Variants in GPHN observed in about 807,000 individuals in gnomAD.
The protein encoded by GPHN is gephyrin.
Under a neutral mutation model 95.5 loss-of-function variants are expected in GPHN, and 17 were observed. The observed-to-expected ratio is 0.18, with a 90% CI of 0.12 to 0.27. The LOEUF is 0.27. Ranked by LOEUF, GPHN falls within the 10% of genes least tolerant of loss-of-function variation. GPHN has a pLI of 1.00. For synonymous variants in GPHN, 320 were observed against 322.5 expected (o/e 0.99, Z 0.08); for missense variants, 660 against 978.1 (o/e 0.67, Z 4.34).
the GPHN span, among the ~76,000 whole-genome samples, chr14:67,321,440 G>A: frequency 6.6e-6 from 1 of 152,050 alleles, no homozygotes; most frequent in Non-Finnish European, 1.5e-5. Flanking sequence ...TTTCCTCAGA[G>A]GGAAAACATA....
At chr14:67,130,756 AC>A (rs2079649333) in intron 17 of GPHN, among the ~76,000 whole-genome samples, 1 of 152,134 alleles carries the variant, frequency 6.6e-6, no homozygotes, top group African/African-American at 2.4e-5. Context: ...CTGCAGCCTC[AC>A]CAAGATCTAT....
At chr14:67,449,906 A>G in the GPHN span, 3,133 of 152,424 alleles carry the variant, frequency 0.021, 182 homozygotes, top group South Asian at 0.12. Context: ...AGCCTGACCA[A>G]TATGGAGAAA....
the GPHN span, among the ~76,000 whole-genome samples, chr14:67,397,209 G>A: frequency 3.3e-5 from 5 of 152,208 alleles, no homozygotes; most frequent in African/African-American, 1.2e-4. Context: ...AAAGTGTTGG[G>A]ATTACAGGCG....
chr14:67,111,837 T>C (rs773676114), intron 14 of GPHN, 24 bp from the exon 15 acceptor site: 1 of 1,596,324 alleles, frequency 6.3e-7, no homozygotes, highest in Admixed American at 1.7e-5. Flanking sequence ...CTGTTTGAAA[T>C]TACATGACCG....
chr14:67,543,846 A>AT, the GPHN span, among the ~76,000 whole-genome samples: 1 of 152,198 alleles, frequency 6.6e-6, no homozygotes, highest in African/African-American at 2.4e-5. Context: ...ATTCATGTAA[A>AT]TGCAGAGCTG....
intron 9 of GPHN, among the ~76,000 whole-genome samples, chr14:67,006,772 G>A (rs1041360177): frequency 6.6e-6 from 1 of 152,120 alleles, no homozygotes; most frequent in Non-Finnish European, 1.5e-5. Context: ...GGGTGGAAGA[G>A]TAGGAAAGAG....
intron 4 of GPHN, among the ~76,000 whole-genome samples, chr14:66,849,803 A>T (rs570372461): frequency 3.3e-5 from 5 of 152,110 alleles, no homozygotes; most frequent in African/African-American, 1.2e-4. Context: ...ATTGGTTGTC[A>T]AGAAATAATT....
At chr14:67,407,193 C>T in the GPHN span, among the ~76,000 whole-genome samples, 3 of 152,100 alleles carry the variant, frequency 2.0e-5, no homozygotes, top group Admixed American at 1.3e-4. Context: ...GCGATCTCAG[C>T]TCACTGCAAC....
intron 1 of GPHN, among the ~76,000 whole-genome samples, chr14:66,667,070 T>C (rs2066006879): frequency 2.0e-5 from 3 of 152,116 alleles, no homozygotes; most frequent in Non-Finnish European, 2.9e-5. Context: ...CCTAGGAATA[T>C]AGCTAACAAC....
intron 1 of GPHN, among the ~76,000 whole-genome samples, chr14:66,607,741 T>C (rs2062606036): frequency 6.6e-6 from 1 of 151,974 alleles, no homozygotes; most frequent in African/African-American, 2.4e-5. Flanking sequence ...AGGTTGTGTG[T>C]TCCCATAAAT....
chr14:67,663,482 C>T, the GPHN span, among the ~76,000 whole-genome samples: 2 of 151,758 alleles, frequency 1.3e-5, no homozygotes, highest in African/African-American at 4.8e-5. Flanking sequence ...GACCATCCTG[C>T]CTAACACGGT....
the GPHN span, among the ~76,000 whole-genome samples, chr14:67,624,185 C>A: frequency 6.6e-6 from 1 of 152,118 alleles, no homozygotes; most frequent in African/African-American, 2.4e-5. Context: ...TGAATTCTAG[C>A]CACCTGTTAC....
the GPHN span, chr14:67,208,557 A>T: frequency 8.8e-7 from 1 of 1,140,476 alleles, no homozygotes; most frequent in Non-Finnish European, 1.2e-6. Flanking sequence ...AGATTCTCAG[A>T]GACAGATGTA....
intron 4 of GPHN, among the ~76,000 whole-genome samples, chr14:66,830,350 G>A (rs1596054532): frequency 6.6e-6 from 1 of 152,044 alleles, no homozygotes; most frequent in East Asian, 1.9e-4. Flanking sequence ...AGACAATATA[G>A]CCTAATAAAA....
chr14:66,729,577 A>T (rs982680772), intron 2 of GPHN, among the ~76,000 whole-genome samples: 2 of 152,206 alleles, frequency 1.3e-5, no homozygotes, highest in Non-Finnish European at 2.9e-5. Context: ...GATGATGGAA[A>T]TAGTCTATAT....
At chr14:66,758,443 A>C (rs1160702300) in intron 2 of GPHN, among the ~76,000 whole-genome samples, 2 of 152,184 alleles carry the variant, frequency 1.3e-5, no homozygotes, top group African/African-American at 2.4e-5. Context: ...AATAGCAGTC[A>C]AATCTCCCTC....
At chr14:67,271,611 T>C in the GPHN span, 1 of 152,268 alleles carries the variant, frequency 6.6e-6, no homozygotes, top group Non-Finnish European at 1.5e-5. Flanking sequence ...GGCAGTCTGA[T>C]TCTGGAGGCT....
the GPHN span, chr14:67,340,259 G>T: frequency 1.8e-6 from 1 of 562,108 alleles, no homozygotes; most frequent in Non-Finnish European, 3.1e-6. Flanking sequence ...ATAGGTACAT[G>T]TAAAATTTGA....
At chr14:66,520,726 A>C (rs1160972620) in intron 1 of GPHN, among the ~76,000 whole-genome samples, 1 of 150,408 alleles carries the variant, frequency 6.6e-6, no homozygotes, top group Non-Finnish European at 1.5e-5. Context: ...CTTTTATTTT[A>C]GTTTCAAGGG....
Sources: allele counts gnomAD v4.1 joint callset (sites outside exome capture counted in the v4.1 genomes callset), GRCh38; gene constraint gnomAD v4.1.1; transcripts MANE v1.5; gene names NCBI Gene and HGNC (gene_info 2026-07-23, HGNC 2026-07-21).